LRP1: variants seen among roughly 807,000 people sequenced by gnomAD.
LRP1 encodes LDL receptor related protein 1, also known as prolow-density lipoprotein receptor-related protein 1.
LRP1 carries 51 observed loss-of-function variants against 541.5 expected under a neutral mutation model. That is an observed-to-expected ratio of 0.09 (90% CI 0.08 to 0.12). LRP1 has a LOEUF of 0.12. Among genes scored for constraint, LRP1 ranks in the 10% least tolerant of loss-of-function variants. The pLI, the probability that LRP1 is intolerant of heterozygous loss-of-function variation, is 1.00. For missense variants in LRP1, 3,878 were observed against 6,376.2 expected (o/e 0.61, Z 13.34); for synonymous variants, 2,219 against 2,470.8 (o/e 0.90, Z 3.02).
In LRP1 at chr12:57,180,753, A is replaced by C. The variant is rs986194861; in HGVS notation, c.5473A>C (p.Asn1825His). 2 of 1,613,948 alleles carry C rather than the reference A, an allele frequency of 1.2e-6. No individual in the cohort carries two copies. Among genetic ancestry groups the C allele is most frequent in the Admixed American group, 3.3e-5 (2 of 60,018 alleles). ...ADGSGSVVLR[N>H]STTLVMHMKV... ...CGGCTCGGGCTCCGTGGTCCTTCGG[A>C]ACAGCACCACCCTGGTGATGCACAT... Residue 1825 changes from asparagine to histidine, a missense_variant, in exon 33 of 89, where the codon AAC (asparagine) becomes CAC (histidine). By Grantham distance (68) the Asn-to-His change is moderately conservative. Around this residue, in one of 13 missense-constraint regions of LRP1, gnomAD observed 394 missense variants for 635.9 expected, o/e 0.62. Transcript: ENST00000243077.
At position 57,197,714 on chromosome 12, in the gene LRP1, G is replaced by A; in HGVS notation, c.9282+50G>A. 1.3e-6 allele frequency: 2 copies of A among 1,598,206 alleles called. No homozygotes were observed. Among genetic ancestry groups the A allele is most frequent in the Non-Finnish European group, 8.5e-7 (1 of 1,173,224 alleles). On this transcript the variant is annotated intron_variant, in intron 58 of 88. Coordinates refer to ENST00000243077, the MANE Select transcript of LRP1 (RefSeq NM_002332.3). This position sits in a 1 kb window ranked among gnomAD's most constrained non-coding sequence, Gnocchi z 4.5. Reference sequence around the variant, plus strand: ...CAACACTGGCCCGCCTCAGATGACTGTTTTCAGATCGTCTCTCCTTCCCGC... The same window carrying A: ...CAACACTGGCCCGCCTCAGATGACTATTTTCAGATCGTCTCTCCTTCCCGC...
At position 57,201,637 on chromosome 12, in the gene LRP1, G is replaced by A. The variant is rs780429390; in HGVS notation, c.10468+18G>A. 1.2e-6 allele frequency: 2 copies of A among 1,607,394 alleles called. No homozygotes were observed. The highest frequency in any genetic ancestry group is 1.7e-6 in the Non-Finnish European group (2 of 1,175,050). ...CAACTGCAGTGAGTTGCCTGGCCTG[G>A]AGCCCAGCTTCCCTCCCCAGTGTCT... On this transcript the variant is annotated intron_variant, in intron 66 of 88. Transcript: ENST00000243077. The surrounding 1 kb of genome is among the most constrained non-coding windows in gnomAD (Gnocchi z 6.4).
intron 48 of LRP1, 120 bp downstream of exon 48, chr12:57,194,132 C>A: frequency 9.6e-7 from 1 of 1,039,408 alleles, no homozygotes; most frequent in Non-Finnish European, 1.4e-6. Flanking sequence ...TCCCCGCTGA[C>A]AGCCTCCATC....
chr12:57,178,665 A>G lies in LRP1; in HGVS notation c.4606+62A>G, dbSNP rs1472532014. On this transcript the variant is annotated intron_variant, in intron 27 of 88. Transcript: ENST00000243077. The surrounding 1 kb of genome is among the most constrained non-coding windows in gnomAD (Gnocchi z 5.8). ...CCAGCAGCCTCTTTAGAAGCTGTAG[A>G]AGCTCTTAGGAGAGGAGAGGGCAGT... The G allele has an allele frequency of 6.2e-7, 1 of 1,607,698 alleles. No individual in the cohort carries two copies. The highest frequency in any genetic ancestry group is 1.7e-5 in the Admixed American group (1 of 59,764).
rs2136683615 is a variant in LRP1 at position 57,162,806 on chromosome 12, C to T, written c.2405-52C>T. ...GTCTCCTCCCCTATCCCTTCTCTGA[C>T]CTCTCCTCACCTCTTCCTCCCTTTG... is the stretch of plus-strand genomic sequence containing the variant. On this transcript the variant is annotated intron_variant, in intron 14 of 88. Coordinates refer to ENST00000243077, the MANE Select transcript of LRP1 (RefSeq NM_002332.3). The surrounding 1 kb of genome is among the most constrained non-coding windows in gnomAD (Gnocchi z 5.2). 1 of 1,554,776 alleles carries T rather than the reference C, an allele frequency of 6.4e-7. No individual in the cohort carries two copies. Among genetic ancestry groups the T allele is most frequent in the Non-Finnish European group, 8.7e-7 (1 of 1,147,832 alleles).
At chr12:57,135,128 A>AC (rs2035129712) in intron 1 of LRP1, among the ~76,000 whole-genome samples, 1 of 152,200 alleles carries the variant, frequency 6.6e-6, no homozygotes, top group Non-Finnish European at 1.5e-5. Context: ...CACCCACCTC[A>AC]CAGGGTTATA....
chr12:57,170,980 C>A (rs1260610432), intron 20 of LRP1, among the ~76,000 whole-genome samples: 1 of 152,132 alleles, frequency 6.6e-6, no homozygotes, highest in Non-Finnish European at 1.5e-5. Flanking sequence ...TTGAGCCCTG[C>A]CCTGAGAGGG....
chr12:57,199,174 C>T (rs754786611), intron 60 of LRP1, 38 bp from the exon 61 acceptor site: 161 of 1,599,130 alleles, frequency 1.0e-4, no homozygotes, highest in Middle Eastern at 6.6e-4. Context: ...GTCCGAGCTC[C>T]GGCTGACTGG....
At chr12:57,155,044 G>A (rs2035593562) in intron 8 of LRP1, 5 of 546,750 alleles carry the variant, frequency 9.1e-6, no homozygotes, top group Non-Finnish European at 1.3e-5. Context: ...ATTTGCCTGT[G>A]TTTACAAAGC....
At chr12:57,144,224 G>A (rs1011019892) in intron 4 of LRP1, among the ~76,000 whole-genome samples, 2 of 151,948 alleles carry the variant, frequency 1.3e-5, no homozygotes, top group Non-Finnish European at 1.5e-5. Context: ...AGAGTACTGC[G>A]TGCTCTTTTT....
At position 57,202,552 on chromosome 12, in the gene LRP1, AC is replaced by A; in HGVS notation, c.10711+18del. 1 of 804,820 alleles carries A rather than the reference AC, an allele frequency of 1.2e-6. No individual in the cohort carries two copies. The highest frequency in any genetic ancestry group is 1.6e-6 in the Non-Finnish European group (1 of 628,968). 49.9% of individuals were successfully genotyped at this position (804,820 alleles called of 1,614,324 possible). A position where few individuals can be genotyped will look rare whatever the true frequency, so the allele number is the denominator to read the frequency against. ...AGAGAGCTGCAGTACGTCCCCACCC[AC>A]CCAGCCCCGCATGAGCCCCTCCCAG... On this transcript the variant is annotated intron_variant, in intron 68 of 88. Transcript: ENST00000243077.
At chr12:57,132,667 G>C (rs2035061692) in intron 1 of LRP1, among the ~76,000 whole-genome samples, 1 of 151,936 alleles carries the variant, frequency 6.6e-6, no homozygotes, top group South Asian at 2.1e-4. Flanking sequence ...TGGCTTTTTA[G>C]AACCTCTCTG....
Position 57,211,363 on chromosome 12 carries a change from C to T in LRP1, c.13091+13C>T. The T allele has an allele frequency of 1.2e-6, 2 of 1,613,236 alleles. No homozygotes were observed. Among genetic ancestry groups the T allele is most frequent in the Non-Finnish European group, 1.7e-6 (2 of 1,179,780 alleles). On this transcript the variant is annotated intron_variant, in intron 84 of 88. Transcript: ENST00000243077. The surrounding 1 kb of genome is among the most constrained non-coding windows in gnomAD (Gnocchi z 4.3). ...ATGTCACCTGCAAGTGAGTGGGGCC[C>T]TCCTCCACAGTTCCACCCAGCTGGG...
intron 2 of LRP1, among the ~76,000 whole-genome samples, chr12:57,139,714 A>G (rs1400927781): frequency 6.6e-6 from 1 of 152,142 alleles, no homozygotes; most frequent in Non-Finnish European, 1.5e-5. Context: ...AAAGGCACAA[A>G]CACATTCTCA....
intron 42 of LRP1, 22 bp downstream of exon 42, chr12:57,187,478 G>C (rs1001862008): frequency 1.2e-6 from 2 of 1,601,668 alleles, no homozygotes; most frequent in South Asian, 1.1e-5. Context: ...CCTGGGGATG[G>C]GGGTAGCAGG....
Position 57,179,033 on chromosome 12 carries a change from T to G in LRP1, c.4738+12T>G. On this transcript the variant is annotated intron_variant, in intron 28 of 88. Transcript: ENST00000243077. This position sits in a 1 kb window ranked among gnomAD's most constrained non-coding sequence, Gnocchi z 6.8. ...CACCACCTGCTATGGTAGGAGCCCC[T>G]CCCTCCAGAGCCAGTGAGCAACTGA... 6.2e-7 allele frequency: 1 copy of G among 1,611,316 alleles called. No homozygotes were observed. The highest frequency in any genetic ancestry group is 1.3e-5 in the African/African-American group (1 of 74,894).
rs374854178 is a variant in LRP1 at position 57,205,547 on chromosome 12, G to A, written c.11471-11G>A. The stretch of plus-strand genomic sequence containing the variant: ...ACTGTGGACTCTCATGACCCTCCCT[G>A]TAACCCTTAGACATCAACGAGTGCC... On this transcript the variant is annotated splice_polypyrimidine_tract_variant and intron_variant, in intron 74 of 88. Coordinates refer to ENST00000243077, the MANE Select transcript of LRP1 (RefSeq NM_002332.3). This position sits in a 1 kb window ranked among gnomAD's most constrained non-coding sequence, Gnocchi z 4.6. 3 of 1,614,002 alleles carry A rather than the reference G, an allele frequency of 1.9e-6. No individual in the cohort carries two copies. The highest frequency in any genetic ancestry group is 2.5e-6 in the Non-Finnish European group (3 of 1,180,016).
At chr12:57,182,130 T>C (rs1310544437) in intron 34 of LRP1, among the ~76,000 whole-genome samples, 1 of 152,078 alleles carries the variant, frequency 6.6e-6, no homozygotes, top group Admixed American at 6.6e-5. Context: ...CCAGGGACCA[T>C]GTGGGGATTC....
rs749620364 is a variant in LRP1 at position 57,178,611 on chromosome 12, G to T, written c.4606+8G>T. The T allele has an allele frequency of 8.1e-5, 131 of 1,613,906 alleles. 1 individual carries two copies. The highest frequency in any genetic ancestry group is 5.1e-4 in the South Asian group (46 of 91,082). On this transcript the variant is annotated splice_region_variant and intron_variant, in intron 27 of 88. Transcript: ENST00000243077. This position sits in a 1 kb window ranked among gnomAD's most constrained non-coding sequence, Gnocchi z 5.8. ...CCTCCCGCCAGCCCATGGGTAAGGG[G>T]CTCGGGGCCTCGAGCAGCCGGAAGG...
Sources: gnomAD v4.1 joint callset for allele counts (sites outside exome capture counted in the v4.1 genomes callset) on GRCh38, gnomAD v4.1.1 for gene constraint, gnomAD v4.1.1 regional missense constraint, Gnocchi (gnomAD v3.1) non-coding constraint, MANE v1.5 for transcripts, NCBI Gene and HGNC (gene_info 2026-07-23, HGNC 2026-07-21) for gene names.